Variants in GPR158 observed in about 807,000 individuals in gnomAD.
GPR158 encodes the protein metabotropic glycine receptor.
Under a neutral mutation model 78.2 loss-of-function variants are expected in GPR158, and 30 were observed. That is an observed-to-expected ratio of 0.38 (90% CI 0.29 to 0.52). The LOEUF (loss-of-function observed/expected upper bound fraction) is 0.52. Ranked by LOEUF, GPR158 falls within the 20% of genes least tolerant of loss-of-function variation. The pLI, the probability that GPR158 is intolerant of heterozygous loss-of-function variation, is 0.83. For synonymous variants in GPR158, 581 were observed against 591.1 expected (o/e 0.98, Z 0.25); for missense variants, 1,463 against 1,523.5 (o/e 0.96, Z 0.66).
intron 4 of GPR158, among the ~76,000 whole-genome samples, chr10:25,416,322 C>A (rs1391795220): frequency 1.3e-5 from 2 of 152,160 alleles, no homozygotes; most frequent in Non-Finnish European, 2.9e-5. Context: ...GGTACACATG[C>A]AATCGCAGAT....
intron 9 of GPR158, among the ~76,000 whole-genome samples, chr10:25,595,867 G>A (rs1388767812): frequency 6.6e-6 from 1 of 152,138 alleles, no homozygotes; most frequent in Non-Finnish European, 1.5e-5. Flanking sequence ...ACACTTTAAA[G>A]TTATAAATTT....
chr10:25,492,080 G>A (rs1835818361), intron 5 of GPR158, among the ~76,000 whole-genome samples: 1 of 152,138 alleles, frequency 6.6e-6, no homozygotes, highest in Non-Finnish European at 1.5e-5. Context: ...CACTCATGGT[G>A]GAAGGCGAAG....
intron 4 of GPR158, among the ~76,000 whole-genome samples, chr10:25,419,662 T>C (rs1284675307): frequency 2.0e-5 from 3 of 151,034 alleles, no homozygotes; most frequent in Admixed American, 1.3e-4. Flanking sequence ...TTCTGTTGTT[T>C]TGTTGTTGTT....
chr10:25,430,316 A>C (rs1834882756), intron 4 of GPR158, among the ~76,000 whole-genome samples: 1 of 150,918 alleles, frequency 6.6e-6, no homozygotes, highest in African/African-American at 2.4e-5. Context: ...GATGTGAAGG[A>C]CCTCTTCAAG....
At chr10:25,524,184 TGGATTA>T (rs1365440058) in intron 5 of GPR158, among the ~76,000 whole-genome samples, 2 of 152,188 alleles carry the variant, frequency 1.3e-5, no homozygotes, top group African/African-American at 4.8e-5. Context: ...ATGGAACTCA[TGGATTA>T]GAAAACTGAA....
intron 2 of GPR158, among the ~76,000 whole-genome samples, chr10:25,268,691 A>G (rs1431624802): frequency 6.6e-6 from 1 of 152,180 alleles, no homozygotes; most frequent in Non-Finnish European, 1.5e-5. Context: ...ACACTTCTAT[A>G]GTCCACATGG....
At chr10:25,407,561 C>G (rs1048909984) in intron 3 of GPR158, among the ~76,000 whole-genome samples, 1 of 152,122 alleles carries the variant, frequency 6.6e-6, no homozygotes, top group Non-Finnish European at 1.5e-5. Context: ...CAAGATTGGA[C>G]TTATGATCTC....
At chr10:25,254,755 C>G (rs186220556) in intron 2 of GPR158, among the ~76,000 whole-genome samples, 313 of 152,226 alleles carry the variant, frequency 2.1e-3, no homozygotes, top group Non-Finnish European at 3.2e-3. Flanking sequence ...ACTGAAACTT[C>G]TTTTTGAAAG....
At chr10:25,583,166 T>A (rs11014629) in intron 7 of GPR158, among the ~76,000 whole-genome samples, 1 of 151,632 alleles carries the variant, frequency 6.6e-6, no homozygotes, top group Admixed American at 6.6e-5. Flanking sequence ...AGGGAACACA[T>A]ACCCAGCCTC....
chr10:25,356,461 A>G (rs1855553879), intron 2 of GPR158, among the ~76,000 whole-genome samples: 1 of 152,084 alleles, frequency 6.6e-6, no homozygotes, highest in Non-Finnish European at 1.5e-5. Flanking sequence ...GTCCCCACCC[A>G]AATCTCATCT....
At chr10:25,379,969 T>TA (rs71281586) in intron 2 of GPR158, among the ~76,000 whole-genome samples, 99,850 of 151,090 alleles carry the variant, frequency 0.66, 34,105 homozygotes, top group Non-Finnish European at 0.75. Context: ...CATAGGGTTT[T>TA]TTTTTTCTTT....
In GPR158 at chr10:25,175,311, G is replaced by A; in HGVS notation, c.-110G>A. On this transcript the variant is annotated 5_prime_UTR_variant, in exon 1 of 11. Coordinates refer to ENST00000376351, the MANE Select transcript of GPR158 (RefSeq NM_020752.3). This position sits in a 1 kb window ranked among gnomAD's most constrained non-coding sequence, Gnocchi z 6.4. ...AGTCCTTTGGACTGGGTGCCATCTG[G>A]AGAAGGGGGAAGACTCCTCGAAAAA... 3.0e-6 allele frequency: 2 copies of A among 664,460 alleles called. No homozygotes were observed. The highest frequency in any genetic ancestry group is 5.2e-6 in the Non-Finnish European group (2 of 381,334). The allele number at this position is 664,460 out of a possible 1,614,324, so 41.2% of individuals were successfully genotyped here. A position where few individuals can be genotyped will look rare whatever the true frequency, so the allele number is the denominator to read the frequency against.
chr10:25,554,655 A>G (rs1237217162), intron 6 of GPR158, among the ~76,000 whole-genome samples: 2 of 152,180 alleles, frequency 1.3e-5, no homozygotes, highest in African/African-American at 4.8e-5. Context: ...CCCACATTTC[A>G]GAGTCATATG....
chr10:25,599,069 A>C lies in GPR158; in HGVS notation c.3443A>C (p.Glu1148Ala), dbSNP rs1400002711. The part of the protein sequence containing the change: ...GHQEKKTSSS[E>A]ENVRGSYNSS... ...CAGGAAAAAAAGACATCTTCTTCTGAGGAGAATGTGCGTGGCTCCTATAAC... is the reference window on the plus strand; with the variant it reads ...CAGGAAAAAAAGACATCTTCTTCTGCGGAGAATGTGCGTGGCTCCTATAAC... Residue 1148 changes from glutamate to alanine, a missense_variant, in exon 11 of 11, where the codon GAG (glutamate) becomes GCG (alanine). Transcript: ENST00000376351. The C allele has an allele frequency of 1.9e-5, 30 of 1,613,700 alleles. No individual in the cohort carries two copies. The East Asian group carries it at 6.7e-4, about 36-fold the overall frequency.
chr10:25,237,236 C>G (rs1853537865), intron 2 of GPR158, among the ~76,000 whole-genome samples: 1 of 152,170 alleles, frequency 6.6e-6, no homozygotes, highest in African/African-American at 2.4e-5. Flanking sequence ...CATCTTCCTT[C>G]AGGAATGGAA....
Position 25,572,893 on chromosome 10 carries a change from TG to T in GPR158, c.1753+8del. 1 of 1,490,312 alleles carries T rather than the reference TG, an allele frequency of 6.7e-7. No homozygotes were observed. The highest frequency in any genetic ancestry group is 9.4e-7 in the Non-Finnish European group (1 of 1,066,914). The allele number at this position is 1,490,312 out of a possible 1,614,324, so 92.3% of individuals were successfully genotyped here. A position where few individuals can be genotyped will look rare whatever the true frequency, so the allele number is the denominator to read the frequency against. On this transcript the variant is annotated splice_region_variant and intron_variant, in intron 7 of 10. Coordinates refer to ENST00000376351, the MANE Select transcript of GPR158 (RefSeq NM_020752.3). ...GGACTACATGACAGCAGTTGGTATG[TG>T]GTCACTTGTTTCGTATGATGGTCTT...
chr10:25,214,943 C>T lies in GPR158; in HGVS notation c.903-6109C>T, dbSNP rs549856313. Reference sequence around the variant, plus strand: ...CCCGGTCTGAGATACTTGGTTATGGCAGCCTTAACAAACTAATACACCATA... The same window carrying T: ...CCCGGTCTGAGATACTTGGTTATGGTAGCCTTAACAAACTAATACACCATA... On this transcript the variant is annotated intron_variant, in intron 1 of 10. Transcript: ENST00000376351. 2.0e-5 allele frequency among the ~76,000 whole-genome samples: 3 copies of T among 152,288 alleles called. No individual in the cohort carries two copies. The East Asian group carries it at 5.8e-4, about 29-fold the overall frequency.
At chr10:25,266,157 A>G (rs570848790) in intron 2 of GPR158, among the ~76,000 whole-genome samples, 1 of 152,264 alleles carries the variant, frequency 6.6e-6, no homozygotes, top group South Asian at 2.1e-4. Context: ...ATGTTCAGGA[A>G]TCTTGCTCTG....
intron 6 of GPR158, among the ~76,000 whole-genome samples, chr10:25,565,436 C>T (rs778273791): frequency 6.6e-6 from 1 of 151,994 alleles, no homozygotes; most frequent in Non-Finnish European, 1.5e-5. Context: ...TTCAAAGGTA[C>T]GAGCATCCAG....
Sources: allele counts gnomAD v4.1 joint callset (sites outside exome capture counted in the v4.1 genomes callset), GRCh38; gene constraint gnomAD v4.1.1; non-coding constraint Gnocchi (gnomAD v3.1); transcripts MANE v1.5; gene names NCBI Gene and HGNC (gene_info 2026-07-23, HGNC 2026-07-21).